MCTP1: variants seen among roughly 807,000 people sequenced by gnomAD.
The protein encoded by MCTP1 is multiple C2 and transmembrane domain-containing protein 1.
A neutral mutation model predicts 120.6 loss-of-function variants in MCTP1; 69 were observed. The ratio of observed to expected loss-of-function variants is 0.57; its 90% confidence interval spans 0.47 to 0.70. The LOEUF (loss-of-function observed/expected upper bound fraction) is 0.70, where lower values mean the gene tolerates loss of function less well. Ranked by LOEUF, MCTP1 falls within the 30% of genes least tolerant of loss-of-function variation. The pLI, the probability that MCTP1 is intolerant of heterozygous loss-of-function variation, is 0.00. For synonymous variants in MCTP1, 529 were observed against 493.1 expected (o/e 1.07, Z -0.96); for missense variants, 1,203 against 1,248.8 (o/e 0.96, Z 0.55).
chr5:95,247,921 G>C (rs1756981334), intron 1 of MCTP1, among the ~76,000 whole-genome samples: 2 of 152,144 alleles, frequency 1.3e-5, no homozygotes, highest in Non-Finnish European at 2.9e-5. Context: ...TTGGTGCAGA[G>C]CTGAGTTCAA....
At chr5:95,216,274 G>A (rs1029153805) in intron 1 of MCTP1, among the ~76,000 whole-genome samples, 36 of 152,176 alleles carry the variant, frequency 2.4e-4, no homozygotes, top group Non-Finnish European at 1.0e-4. Flanking sequence ...AAGCAAGCTT[G>A]TGCTGGCAGA....
intron 1 of MCTP1, among the ~76,000 whole-genome samples, chr5:95,019,598 G>A (rs1562027235): frequency 1.3e-5 from 2 of 151,994 alleles, no homozygotes; most frequent in Non-Finnish European, 2.9e-5. Flanking sequence ...TTTACAGAAT[G>A]AATTTTTCCA....
At position 95,017,370 on chromosome 5, in the gene MCTP1, C is replaced by T. The variant is rs1837318606; in HGVS notation, c.835G>A (p.Gly279Arg). ...GATATTGCTCTTATGCTCTTACCTC[C>T]TCGATCTCGAGCAGCTAAACTTTGA... ...RGQSLAARDR[G>R]GTSDPYVKFK... Residue 279 changes from glycine (G) to arginine (R), a missense_variant, in exon 2 of 23, where the codon GGA becomes AGA. Physicochemically the swap from Gly to Arg is moderately radical, Grantham distance 125. Coordinates refer to ENST00000515393, the MANE Select transcript of MCTP1 (RefSeq NM_024717.7). The T allele has an allele frequency of 1.2e-6, 2 of 1,600,490 alleles. No individual in the cohort carries two copies. The highest frequency in any genetic ancestry group is 1.7e-6 in the Non-Finnish European group (2 of 1,171,244).
intron 2 of MCTP1, among the ~76,000 whole-genome samples, chr5:95,005,210 G>A (rs1435602631): frequency 2.0e-5 from 3 of 152,104 alleles, no homozygotes; most frequent in Admixed American, 1.3e-4. Flanking sequence ...TTTTTTTAAT[G>A]GGAGCATTTA....
At position 94,708,511 on chromosome 5, in the gene MCTP1, C is replaced by A; in HGVS notation, c.2928+1G>T. On this transcript the variant is annotated splice_donor_variant, in intron 22 of 22. Transcript: ENST00000515393. LOFTEE classifies it high-confidence loss of function. The stretch of plus-strand genomic sequence containing the variant: ...CAATAATAATAACGAAACCTACATA[C>A]CACTTGTACATCTGAAGGGACTCTG... The A allele has an allele frequency of 6.4e-7, 1 of 1,568,684 alleles. No individual in the cohort carries two copies. Among genetic ancestry groups the A allele is most frequent in the Non-Finnish European group, 8.8e-7 (1 of 1,139,692 alleles).
At chr5:95,043,848 CGG>C (rs145096489) in intron 1 of MCTP1, among the ~76,000 whole-genome samples, 1,658 of 152,254 alleles carry the variant, frequency 0.011, 31 homozygotes, top group African/African-American at 0.038. Flanking sequence ...GCTTGGCCTA[CGG>C]GGATGGAGCA....
At chr5:94,797,031 TA>T (rs573964335) in intron 18 of MCTP1, among the ~76,000 whole-genome samples, 168 of 152,236 alleles carry the variant, frequency 1.1e-3, no homozygotes, top group African/African-American at 3.7e-3. Context: ...GGAGATGTAC[TA>T]AAAGGAAAAG....
intron 10 of MCTP1, among the ~76,000 whole-genome samples, chr5:94,907,936 C>T (rs368087347): frequency 5.9e-5 from 9 of 152,020 alleles, no homozygotes; most frequent in African/African-American, 1.9e-4. Context: ...TAGCAAGTTA[C>T]ACATGCCCAT....
chr5:95,016,359 T>C (rs1179524770), intron 2 of MCTP1, among the ~76,000 whole-genome samples: 1 of 152,144 alleles, frequency 6.6e-6, no homozygotes, highest in African/African-American at 2.4e-5. Flanking sequence ...CAATTGAATC[T>C]AATATTTGCA....
At chr5:95,271,374 T>C (rs1477444087) in intron 1 of MCTP1, among the ~76,000 whole-genome samples, 2 of 152,150 alleles carry the variant, frequency 1.3e-5, no homozygotes, top group African/African-American at 4.8e-5. Flanking sequence ...ATTCACCAGC[T>C]CTCATTTTGA....
chr5:94,856,299 G>A (rs1794716545), intron 17 of MCTP1, among the ~76,000 whole-genome samples: 1 of 151,514 alleles, frequency 6.6e-6, no homozygotes, highest in Non-Finnish European at 1.5e-5. Flanking sequence ...AAAACAGTGT[G>A]GTTACGATAT....
rs184286160 is a variant in MCTP1, at chr5:95,005,681, A to G, written c.838+11686T>C. On this transcript the variant is annotated intron_variant, in intron 2 of 22. Coordinates refer to ENST00000515393, the MANE Select transcript of MCTP1 (RefSeq NM_024717.7). ...GCCTGCTTCCCCTTCACCTTCTACC[A>G]TGACTGTAAATTTCCTGAGGCCTCC... 3.6e-3 allele frequency among the ~76,000 whole-genome samples: 548 copies of G among 151,826 alleles called. 1 individual carries two copies. The highest frequency in any genetic ancestry group is 6.8e-3 in the Middle Eastern group (2 of 292).
At chr5:94,717,526 A>G (rs541002702) in intron 19 of MCTP1, among the ~76,000 whole-genome samples, 8 of 152,192 alleles carry the variant, frequency 5.3e-5, no homozygotes, top group Non-Finnish European at 7.3e-5. Flanking sequence ...GGTCAGGGCA[A>G]TCAGGCAAGA....
intron 1 of MCTP1, among the ~76,000 whole-genome samples, chr5:95,260,712 C>G (rs1458619789): frequency 1.3e-5 from 2 of 151,936 alleles, no homozygotes; most frequent in African/African-American, 4.8e-5. Context: ...ATCTATATTG[C>G]CATATACTTG....
At chr5:95,005,521 G>A (rs1361456365) in intron 2 of MCTP1, among the ~76,000 whole-genome samples, 1 of 152,174 alleles carries the variant, frequency 6.6e-6, no homozygotes, top group East Asian at 1.9e-4. Context: ...GGGAGCTGGT[G>A]GGTGGCGACT....
At chr5:94,877,349 T>G (rs369916835) in intron 12 of MCTP1, among the ~76,000 whole-genome samples, 27 of 152,264 alleles carry the variant, frequency 1.8e-4, no homozygotes, top group East Asian at 1.7e-3. Context: ...ACTCATACTT[T>G]TATCCATAAT....
intron 10 of MCTP1, among the ~76,000 whole-genome samples, chr5:94,907,355 C>A (rs922331782): frequency 1.3e-5 from 2 of 152,278 alleles, no homozygotes; most frequent in East Asian, 3.9e-4. Flanking sequence ...ACACTCATTC[C>A]TTTCATTGTG....
chr5:95,195,227 T>C (rs192826023), intron 1 of MCTP1, among the ~76,000 whole-genome samples: 9 of 152,298 alleles, frequency 5.9e-5, no homozygotes, highest in Admixed American at 5.9e-4. Flanking sequence ...TGAGACACAG[T>C]AGCCTCACAG....
chr5:95,057,308 G>GA (rs1488406568), intron 1 of MCTP1, among the ~76,000 whole-genome samples: 1 of 151,948 alleles, frequency 6.6e-6, no homozygotes, highest in Non-Finnish European at 1.5e-5. Flanking sequence ...GCCATTTTGA[G>GA]AAAAAAAGTT....
Sources: gnomAD v4.1 joint callset for allele counts (sites outside exome capture counted in the v4.1 genomes callset) on GRCh38, gnomAD v4.1.1 for gene constraint, MANE v1.5 for transcripts, NCBI Gene and HGNC (gene_info 2026-07-23, HGNC 2026-07-21) for gene names.